Variants in DPYD observed in about 807,000 individuals in gnomAD.
DPYD encodes dihydropyrimidine dehydrogenase.
DPYD carries 109 observed loss-of-function variants against 116.2 expected under a neutral mutation model. That is an observed-to-expected ratio of 0.94 (90% CI 0.80 to 1.10). The LOEUF (loss-of-function observed/expected upper bound fraction) is 1.10, where lower values mean the gene tolerates loss of function less well. Among genes scored for constraint, DPYD ranks in the 50% least tolerant of loss-of-function variants. The pLI is 0.00. For synonymous variants in DPYD, 440 were observed against 432.0 expected (o/e 1.02, Z -0.23); for missense variants, 1,302 against 1,254.5 (o/e 1.04, Z -0.57).
intron 2 of DPYD, among the ~76,000 whole-genome samples, chr1:97,877,617 T>C (rs1053247500): frequency 2.6e-5 from 4 of 152,004 alleles, no homozygotes; most frequent in Non-Finnish European, 4.4e-5. Context: ...CTGTCTATTT[T>C]TGGAAGAAAA....
At chr1:97,374,547 C>T (rs1410419658) in intron 15 of DPYD, among the ~76,000 whole-genome samples, 1 of 151,418 alleles carries the variant, frequency 6.6e-6, no homozygotes, top group African/African-American at 2.4e-5. Context: ...AGTGAAACTC[C>T]GTCTCTACTA....
chr1:97,288,466 C>G (rs561112920), intron 18 of DPYD, among the ~76,000 whole-genome samples: 1 of 151,910 alleles, frequency 6.6e-6, no homozygotes, highest in Admixed American at 6.6e-5. Context: ...TGTAAAAGAA[C>G]AGAAATTATA....
At chr1:97,336,489 C>T (rs890433724) in intron 16 of DPYD, among the ~76,000 whole-genome samples, 3 of 152,164 alleles carry the variant, frequency 2.0e-5, no homozygotes, top group African/African-American at 7.2e-5. Context: ...TGGCTCATGC[C>T]TGTGGTTCCA....
At chr1:97,632,087 C>T (rs1310083952) in intron 8 of DPYD, among the ~76,000 whole-genome samples, 1 of 152,046 alleles carries the variant, frequency 6.6e-6, no homozygotes, top group African/African-American at 2.4e-5. Flanking sequence ...ATGAAAAGAG[C>T]TGGCAATGCA....
chr1:97,557,744 C>G (rs1651851345), intron 11 of DPYD, among the ~76,000 whole-genome samples: 1 of 152,106 alleles, frequency 6.6e-6, no homozygotes, highest in South Asian at 2.1e-4. Flanking sequence ...AAATTTTATC[C>G]TAGTTACTTC....
chr1:97,818,385 T>G (rs1931065), intron 3 of DPYD, among the ~76,000 whole-genome samples: 150,192 of 152,062 alleles, frequency 0.99, 74,198 homozygotes, highest in Middle Eastern at 1. Flanking sequence ...GATTTCATTT[T>G]TTCTACTGTT....
At chr1:97,552,855 T>C (rs1651425102) in intron 11 of DPYD, among the ~76,000 whole-genome samples, 1 of 152,002 alleles carries the variant, frequency 6.6e-6, no homozygotes, top group Non-Finnish European at 1.5e-5. Flanking sequence ...GTTTAACATG[T>C]TCCTAATTTC....
In DPYD at chr1:97,901,309, T is replaced by C. The variant is rs77183210; in HGVS notation, c.40-17935A>G. ...ATGTAGTAACTCAACGATTGCTGCA[T>C]ATTCACTGTAAATACTGAAATCAAT... On this transcript the variant is annotated intron_variant, in intron 1 of 22. Coordinates refer to ENST00000370192, the MANE Select transcript of DPYD (RefSeq NM_000110.4). 3.6e-3 allele frequency among the ~76,000 whole-genome samples: 549 copies of C among 151,984 alleles called. 7 individuals are homozygous for C. Among genetic ancestry groups the C allele is most frequent in the African/African-American group, 0.013 (531 of 41,526 alleles).
rs560851769 is a variant in DPYD, at chr1:97,779,708, C to T, written c.234-39229G>A. Among the ~76,000 whole-genome samples the T allele has an allele frequency of 1.1e-4, 16 of 152,016 alleles. No homozygotes were observed. The East Asian group carries it at 1.9e-3, about 18-fold the overall frequency. On this transcript the variant is annotated intron_variant, in intron 3 of 22. Transcript: ENST00000370192. ...TTATCAAGTATATAAGAAATCATGG[C>T]GTGCATTTTGTACAGTATTATCACT...
intron 13 of DPYD, among the ~76,000 whole-genome samples, chr1:97,495,555 A>T (rs1191444635): frequency 6.6e-6 from 1 of 152,068 alleles, no homozygotes; most frequent in Non-Finnish European, 1.5e-5. Context: ...TTATATTATT[A>T]TTACATTAGC....
Position 97,257,452 on chromosome 1 carries a change from T to TATATATATATATATAGAG in DPYD, c.2300-22459_2300-22458insCTCTATATATATATATAT, listed in dbSNP as rs375490078. Among the ~76,000 whole-genome samples, 300 of 126,416 alleles carry TATATATATATATATAGAG rather than the reference T, an allele frequency of 2.4e-3. 3 individuals carry two copies. Among genetic ancestry groups the TATATATATATATATAGAG allele is most frequent in the African/African-American group, 8.4e-3 (268 of 31,756 alleles). The allele number at this position is 126,416 out of a possible 152,430, so 82.9% of individuals were successfully genotyped here. A position where few individuals can be genotyped will look rare whatever the true frequency, so the allele number is the denominator to read the frequency against. On this transcript the variant is annotated intron_variant, in intron 18 of 22. Transcript: ENST00000370192. ...ATACATACGTATATATATATATATATAGAGAGAGAGAAAGAGAGAGAGAGC... is the reference window on the plus strand; with the variant it reads ...ATACATACGTATATATATATATATATATATATATATATATAGAGAGAGAGAGAGAAAGAGAGAGAGAGC...
intron 3 of DPYD, among the ~76,000 whole-genome samples, chr1:97,769,337 CTTT>C (rs1452069870): frequency 6.6e-6 from 1 of 152,096 alleles, no homozygotes; most frequent in African/African-American, 2.4e-5. Flanking sequence ...CAGGCTTCTT[CTTT>C]ACCTTGAAAA....
chr1:97,844,859 G>T (rs1670215206), intron 2 of DPYD, among the ~76,000 whole-genome samples: 1 of 152,198 alleles, frequency 6.6e-6, no homozygotes, highest in South Asian at 2.1e-4. Flanking sequence ...CCACTACCTG[G>T]TCTCTCCCCA....
chr1:97,595,103 G>A lies in DPYD; in HGVS notation c.914C>T (p.Thr305Ile). The A allele has an allele frequency of 1.9e-6, 3 of 1,613,708 alleles. No individual in the cohort carries two copies. The highest frequency in any genetic ancestry group is 1.1e-5 in the South Asian group (1 of 91,078). The change falls in exon 9 of 23, where the codon ACA becomes ATA. Residue 305 changes from threonine to isoleucine, a missense_variant. Transcript: ENST00000370192. ...QGLTQDQGFY[T>I]SKDFLPLVAK... ...TACAAGTGGCAAAAAGTCTTTGGATGTATAAAACCCCTGGTCCTGCGTCAG... is the reference window on the plus strand; with the variant it reads ...TACAAGTGGCAAAAAGTCTTTGGATATATAAAACCCCTGGTCCTGCGTCAG...
intron 20 of DPYD, among the ~76,000 whole-genome samples, chr1:97,169,716 C>A (rs1156395990): frequency 1.3e-5 from 2 of 152,014 alleles, no homozygotes; most frequent in African/African-American, 4.8e-5. Flanking sequence ...TTTTAATCTG[C>A]ATTCTATACA....
chr1:97,555,373 T>A (rs1194975595), intron 11 of DPYD, among the ~76,000 whole-genome samples: 1 of 152,136 alleles, frequency 6.6e-6, no homozygotes, highest in African/African-American at 2.4e-5. Flanking sequence ...CTTGAGTTCT[T>A]CCTTTTATTC....
At chr1:97,541,082 T>C (rs1228378891) in intron 12 of DPYD, among the ~76,000 whole-genome samples, 1 of 152,182 alleles carries the variant, frequency 6.6e-6, no homozygotes, top group Non-Finnish European at 1.5e-5. Flanking sequence ...TTCCTTCCCT[T>C]GTTTTCCTCC....
At chr1:97,219,058 A>C (rs1159954095) in intron 19 of DPYD, among the ~76,000 whole-genome samples, 4 of 152,226 alleles carry the variant, frequency 2.6e-5, no homozygotes, top group Non-Finnish European at 5.9e-5. Context: ...TAGAGAGAGA[A>C]GTCCTTTAAA....
At chr1:97,790,038 G>A (rs373020711) in intron 3 of DPYD, among the ~76,000 whole-genome samples, 2 of 152,274 alleles carry the variant, frequency 1.3e-5, no homozygotes, top group African/African-American at 4.8e-5. Context: ...TGTGGGAGGT[G>A]GGGCAGCTTT....
Sources: allele counts gnomAD v4.1 joint callset (sites outside exome capture counted in the v4.1 genomes callset), GRCh38; gene constraint gnomAD v4.1.1; transcripts MANE v1.5; gene names NCBI Gene and HGNC (gene_info 2026-07-23, HGNC 2026-07-21).